The following TUSC3 variants were observed in gnomAD, a reference collection of about 807,000 sequenced individuals.
The protein encoded by TUSC3 is tumor suppressor candidate 3, also known as dolichyl-diphosphooligosaccharide--protein glycosyltransferase subunit TUSC3.
A neutral mutation model predicts 44.8 loss-of-function variants in TUSC3; 45 were observed. That is an observed-to-expected ratio of 1.00 (90% confidence interval 0.79 to 1.29). The LOEUF (loss-of-function observed/expected upper bound fraction) is 1.29, where lower values mean the gene tolerates loss of function less well. TUSC3 is among the 50% of genes most tolerant of loss of function. The pLI is 0.00. For synonymous variants in TUSC3, 212 were observed against 152.9 expected (o/e 1.39, Z -2.85); for missense variants, 519 against 437.9 (o/e 1.19, Z -1.65).
chr8:15,714,999 C>T (rs1810002553), intron 6 of TUSC3, among the ~76,000 whole-genome samples: 1 of 152,120 alleles, frequency 6.6e-6, no homozygotes, highest in Non-Finnish European at 1.5e-5. Flanking sequence ...TACAACGTTG[C>T]ATTTGAATGC....
chr8:15,473,202 A>G (rs1241799860), intron 1 of TUSC3, among the ~76,000 whole-genome samples: 1 of 152,156 alleles, frequency 6.6e-6, no homozygotes, highest in African/African-American at 2.4e-5. Context: ...AGTTGTCAAT[A>G]TTATATTTGG....
At chr8:15,792,390 A>C in the TUSC3 span, among the ~76,000 whole-genome samples, 1 of 152,172 alleles carries the variant, frequency 6.6e-6, no homozygotes, top group African/African-American at 2.4e-5. Flanking sequence ...AGTGGCAAAA[A>C]GATTTATCTG....
At chr8:15,469,059 G>A (rs772018678) in intron 1 of TUSC3, among the ~76,000 whole-genome samples, 2 of 152,084 alleles carry the variant, frequency 1.3e-5, no homozygotes, top group East Asian at 1.9e-4. Context: ...GAATAAAAAC[G>A]AGAAGGCTGG....
At chr8:15,606,150 G>A (rs1160500644) in intron 1 of TUSC3, among the ~76,000 whole-genome samples, 5 of 152,042 alleles carry the variant, frequency 3.3e-5, no homozygotes, top group Admixed American at 6.6e-5. Flanking sequence ...AAAAAGTTGA[G>A]TTGCTTGATA....
chr8:15,573,180 C>T (rs1450851987), intron 1 of TUSC3, among the ~76,000 whole-genome samples: 55 of 86,758 alleles, frequency 6.3e-4, no homozygotes, highest in African/African-American at 2.5e-3. Context: ...CTCTCTCTCT[C>T]TCTCTCTCTC....
chr8:15,554,224 A>G (rs910492477), intron 1 of TUSC3, among the ~76,000 whole-genome samples: 4 of 151,798 alleles, frequency 2.6e-5, no homozygotes, highest in Non-Finnish European at 4.4e-5. Flanking sequence ...TTTTGTGGGG[A>G]TACAAACATG....
chr8:15,496,995 A>G (rs1800889019), intron 2 of TUSC3, among the ~76,000 whole-genome samples: 1 of 152,214 alleles, frequency 6.6e-6, no homozygotes, highest in Non-Finnish European at 1.5e-5. Flanking sequence ...ACAAAACAGA[A>G]AAAAATCCTC....
chr8:15,525,518 A>G (rs1801361498), intron 2 of TUSC3, among the ~76,000 whole-genome samples: 1 of 152,230 alleles, frequency 6.6e-6, no homozygotes, highest in Admixed American at 6.5e-5. Flanking sequence ...GCAAATACTG[A>G]TAGGTATGTC....
intron 4 of TUSC3, 125 bp downstream of exon 4, chr8:15,659,772 CTG>C: frequency 7.9e-7 from 1 of 1,261,468 alleles, no homozygotes. Context: ...ATAGAGAAAA[CTG>C]TTCGATTACT....
chr8:15,749,205 T>A (rs1029992681), intron 9 of TUSC3, among the ~76,000 whole-genome samples: 15 of 152,180 alleles, frequency 9.9e-5, no homozygotes, highest in African/African-American at 2.9e-4. Flanking sequence ...GTATTTCCTT[T>A]TTCAGAGATT....
At chr8:15,825,969 T>A in the TUSC3 span, among the ~76,000 whole-genome samples, 22,838 of 151,094 alleles carry the variant, frequency 0.15, 2,040 homozygotes, top group African/African-American at 0.24. Flanking sequence ...ATGTACAGAC[T>A]TGAACACATT....
intron 1 of TUSC3, among the ~76,000 whole-genome samples, chr8:15,465,909 G>A (rs891981256): frequency 2.6e-5 from 4 of 152,016 alleles, no homozygotes; most frequent in Admixed American, 6.6e-5. Context: ...TCAACTTAGC[G>A]GTCCCTAGTT....
intron 1 of TUSC3, among the ~76,000 whole-genome samples, chr8:15,619,811 A>G (rs1033728044): frequency 1.3e-5 from 2 of 152,146 alleles, no homozygotes; most frequent in Admixed American, 1.3e-4. Flanking sequence ...TGCCCGGCCT[A>G]TTCCATATAC....
intron 1 of TUSC3, among the ~76,000 whole-genome samples, chr8:15,601,263 T>C (rs1804277545): frequency 6.6e-6 from 1 of 151,702 alleles, no homozygotes. Flanking sequence ...TTTGTCAGTC[T>C]ATAAAATGCA....
chr8:15,717,387 G>A (rs537735495), intron 6 of TUSC3, among the ~76,000 whole-genome samples: 12 of 152,038 alleles, frequency 7.9e-5, no homozygotes, highest in South Asian at 2.1e-4. Context: ...TGAGAGTAAC[G>A]AAGAGACTGC....
At chr8:15,490,414 CCCA>C (rs1417993240) in intron 2 of TUSC3, among the ~76,000 whole-genome samples, 1 of 152,044 alleles carries the variant, frequency 6.6e-6, no homozygotes, top group Non-Finnish European at 1.5e-5. Flanking sequence ...CTCCTGTTTC[CCCA>C]CCACCACCAC....
chr8:15,757,854 A>T lies in TUSC3; in HGVS notation c.*45A>T. 1 of 1,376,630 alleles carries T rather than the reference A, an allele frequency of 7.3e-7. No homozygotes were observed. The highest frequency in any genetic ancestry group is 1.4e-5 in the African/African-American group (1 of 70,148). 85.3% of individuals were successfully genotyped at this position (1,376,630 alleles called of 1,614,324 possible). On this transcript the variant is annotated splice_region_variant and 3_prime_UTR_variant, in exon 10 of 11. Coordinates refer to ENST00000503731, the MANE Select transcript of TUSC3 (RefSeq NM_006765.4). ...TGGCACTTAAAAACTCTATAACCTC[A>T]GGCAAGTCTTTTAATCTTCTCTGAG... is the stretch of plus-strand genomic sequence containing the variant.
chr8:15,434,631 T>C (rs1799921744), intron 1 of TUSC3, among the ~76,000 whole-genome samples: 1 of 151,482 alleles, frequency 6.6e-6, no homozygotes, highest in Admixed American at 6.6e-5. Flanking sequence ...GCTGCACCCA[T>C]TAACTCGTCA....
At chr8:15,531,147 T>C (rs966032865) in intron 2 of TUSC3, among the ~76,000 whole-genome samples, 8 of 152,164 alleles carry the variant, frequency 5.3e-5, no homozygotes, top group African/African-American at 1.9e-4. Flanking sequence ...TTGCCAGAAG[T>C]AGGCCAACAA....
Sources: allele counts gnomAD v4.1 joint callset (sites outside exome capture counted in the v4.1 genomes callset), GRCh38; gene constraint gnomAD v4.1.1; transcripts MANE v1.5; gene names NCBI Gene and HGNC (gene_info 2026-07-23, HGNC 2026-07-21).